ENO4: variants seen among roughly 807,000 people sequenced by gnomAD.
ENO4 encodes enolase 4.
In ENO4, 53 loss-of-function variants were observed where a neutral mutation model predicts 63.2. That is an observed-to-expected ratio of 0.84 (90% CI 0.67 to 1.05). ENO4 has a LOEUF of 1.05. Among genes scored for constraint, ENO4 ranks in the 50% least tolerant of loss-of-function variants. The pLI is 0.00. For missense variants in ENO4, 719 were observed against 772.0 expected (o/e 0.93, Z 0.81); for synonymous variants, 266 against 283.8 (o/e 0.94, Z 0.63).
At chr10:116,871,095 G>T (rs1422191630) in intron 8 of ENO4, 30 bp from the exon 9 acceptor site, 2 of 1,547,652 alleles carry the variant, frequency 1.3e-6, no homozygotes, top group South Asian at 2.4e-5. Context: ...GTGCTGTATT[G>T]ACATGGATCA....
intron 10 of ENO4, among the ~76,000 whole-genome samples, chr10:116,891,445 ACT>A (rs1003149992): frequency 6.6e-5 from 10 of 152,308 alleles, no homozygotes; most frequent in South Asian, 4.1e-4. Context: ...GACGGTCTGA[ACT>A]CTGTTTCATT....
In ENO4 at chr10:116,871,256, A is replaced by T. The variant is rs1215525226; in HGVS notation, c.1179A>T (p.Leu393=). 2.9e-5 allele frequency: 45 copies of T among 1,550,404 alleles called. No homozygotes were observed. The highest frequency in any genetic ancestry group is 3.8e-5 in the Non-Finnish European group (44 of 1,146,994). ...TAGAACTGGGAACAAATCTGCATCT[A>T]GCTATCAACTGTGCTGGACATGAGC... ...LGLELGTNLH[L]AINCAGHELM... The change falls in exon 9 of 14, where the codon CTA becomes CTT. Residue 393 remains leucine, a synonymous_variant. Coordinates refer to ENST00000341276, the MANE Select transcript of ENO4 (RefSeq NM_001242699.2).
chr10:116,855,817 C>A, intron 2 of ENO4, 66 bp downstream of exon 2: 1 of 1,425,302 alleles, frequency 7.0e-7, no homozygotes, highest in South Asian at 1.4e-5. Context: ...CAACACTTGT[C>A]TAAGCTGTAG....
rs1354406975 is a variant in ENO4 at position 116,881,570 on chromosome 10, G to A, written c.1779G>A (p.Ala593=). 15 of 1,550,124 alleles carry A rather than the reference G, an allele frequency of 9.7e-6. No individual in the cohort carries two copies. The highest frequency in any genetic ancestry group is 1.2e-5 in the South Asian group (1 of 83,986). The stretch of plus-strand genomic sequence containing the variant: ...TTAATGAGGAAGCTGAAAAGGCTGC[G>A]GAGGCACTTGAGGCTGCTGCGGCTA... ...FYFNEEAEKA[A]EALEAAAARE... Residue 593 remains alanine (A), a synonymous_variant, in exon 14 of 14, where the codon GCG becomes GCA. Transcript: ENST00000341276.
At chr10:116,905,883 GCA>G (rs1355208071) in intron 10 of ENO4, among the ~76,000 whole-genome samples, 1 of 152,124 alleles carries the variant, frequency 6.6e-6, no homozygotes. Context: ...CTGAAGACAC[GCA>G]CAGTTATGGG....
At chr10:116,883,251 T>C (rs539611886), downstream of ENO4, 26 of 152,314 alleles carry the variant, frequency 1.7e-4, no homozygotes, top group Non-Finnish European at 8.8e-5. Context: ...TTTCTACTTA[T>C]ACTTTCTCTC....
At chr10:116,893,504 C>T (rs1847404772) in intron 10 of ENO4, among the ~76,000 whole-genome samples, 1 of 149,430 alleles carries the variant, frequency 6.7e-6, no homozygotes. Flanking sequence ...CTGGTAGTCT[C>T]TTCTCAGAAA....
chr10:116,866,749 G>A (rs1846559350), intron 7 of ENO4, among the ~76,000 whole-genome samples: 1 of 151,646 alleles, frequency 6.6e-6, no homozygotes, highest in Non-Finnish European at 1.5e-5. Context: ...AGGCTGCAGT[G>A]AGCTCTGATC....
chr10:116,860,714 CCTTT>C, intron 4 of ENO4, 76 bp from the exon 5 acceptor site: 4 of 1,101,226 alleles, frequency 3.6e-6, no homozygotes, highest in Non-Finnish European at 4.7e-6. Context: ...CGGCTTTCAT[CCTTT>C]CTTTTTCCTG....
rs951894294 is a variant in ENO4, at chr10:116,891,059, T to C, written c.1194+11073T>C. Among the ~76,000 whole-genome samples the C allele has an allele frequency of 9.8e-5, 15 of 152,346 alleles. No homozygotes were observed. The South Asian group carries it at 1.2e-3, about 13-fold the overall frequency. Reference sequence around the variant, plus strand: ...CTAATAGACGTGGTTCTGAGCTCAATTGAATACAATCAAAGCTCATGAAAT... The same window carrying C: ...CTAATAGACGTGGTTCTGAGCTCAACTGAATACAATCAAAGCTCATGAAAT... On this transcript the variant is annotated intron_variant, in intron 10 of 10. Coordinates refer to the ENO4 transcript ENST00000369207.
At chr10:116,902,059 G>T in intron 10 of ENO4, 1 of 1,035,140 alleles carries the variant, frequency 9.7e-7, no homozygotes, top group Non-Finnish European at 1.4e-6. Flanking sequence ...GAAGTGAAAA[G>T]GCCAAGTTTG....
intron 3 of ENO4, among the ~76,000 whole-genome samples, chr10:116,858,464 G>GT (rs71943595): frequency 6.6e-6 from 1 of 151,982 alleles, no homozygotes. Flanking sequence ...TATTTGCCTG[G>GT]TTTTTTGCCT....
At chr10:116,881,129 C>A (rs1405549678) in intron 13 of ENO4, among the ~76,000 whole-genome samples, 3 of 152,168 alleles carry the variant, frequency 2.0e-5, no homozygotes. Context: ...CATGTAAGGA[C>A]CTGACTGGAA....
At chr10:116,876,307 C>T in intron 11 of ENO4, 47 bp downstream of exon 11, 1 of 1,388,476 alleles carries the variant, frequency 7.2e-7, no homozygotes, top group East Asian at 2.7e-5. Context: ...CTTGGTTATA[C>T]AAGAAACCAA....
At chr10:116,878,357 G>A (rs1445419804) in intron 11 of ENO4, among the ~76,000 whole-genome samples, 1 of 152,148 alleles carries the variant, frequency 6.6e-6, no homozygotes, top group African/African-American at 2.4e-5. Context: ...GGTGGTAGAT[G>A]ATAGATAGGA....
At chr10:116,886,150 A>C, downstream of ENO4, 1 of 755,630 alleles carries the variant, frequency 1.3e-6, no homozygotes, top group Non-Finnish European at 2.1e-6. Context: ...ACCAAAACCT[A>C]CTAGGAATGT....
chr10:116,873,509 A>G (rs1034844430), intron 9 of ENO4, among the ~76,000 whole-genome samples: 1 of 152,222 alleles, frequency 6.6e-6, no homozygotes, highest in African/African-American at 2.4e-5. Flanking sequence ...CTAGAATTCT[A>G]CCTTCTGGAC....
chr10:116,905,355 C>A (rs1847929659), intron 10 of ENO4, among the ~76,000 whole-genome samples: 1 of 152,078 alleles, frequency 6.6e-6, no homozygotes, highest in Non-Finnish European at 1.5e-5. Flanking sequence ...ACAAAACCAT[C>A]CTAAGAAAAA....
downstream of ENO4, chr10:116,911,962 A>T (rs1475707074): frequency 1.1e-5 from 8 of 726,772 alleles, no homozygotes; most frequent in African/African-American, 1.8e-5. Flanking sequence ...GACTATATAT[A>T]TTTTTAAATT....
Sources: gnomAD v4.1 joint callset for allele counts (sites outside exome capture counted in the v4.1 genomes callset) on GRCh38, gnomAD v4.1.1 for gene constraint, MANE v1.5 for transcripts, NCBI Gene and HGNC (gene_info 2026-07-23, HGNC 2026-07-21) for gene names.